The following CCDC85A variants were observed in gnomAD, a reference collection of about 807,000 sequenced individuals.
CCDC85A encodes coiled-coil domain-containing protein 85A.
In CCDC85A, 38 loss-of-function variants were observed where a neutral mutation model predicts 50.2. The ratio of observed to expected loss-of-function variants is 0.76; its 90% CI spans 0.58 to 0.99. CCDC85A has a LOEUF of 0.99. Among genes scored for constraint, CCDC85A ranks in the 50% least tolerant of loss-of-function variants. The pLI, the probability that CCDC85A is intolerant of heterozygous loss-of-function variation, is 0.00. For missense variants in CCDC85A, 820 were observed against 742.0 expected (o/e 1.11, Z -1.22); for synonymous variants, 366 against 301.4 (o/e 1.21, Z -2.22).
intron 2 of CCDC85A, among the ~76,000 whole-genome samples, chr2:56,197,148 A>T (rs1465523631): frequency 6.6e-6 from 1 of 152,198 alleles, no homozygotes; most frequent in African/African-American, 2.4e-5. Context: ...TTGTGAGGGT[A>T]TCTCTCGAGA....
intron 3 of CCDC85A, among the ~76,000 whole-genome samples, chr2:56,363,803 G>C (rs1675655408): frequency 6.6e-6 from 1 of 152,182 alleles, no homozygotes; most frequent in African/African-American, 2.4e-5. Context: ...CAGATGCAAT[G>C]TTAATTAGCA....
chr2:56,341,818 C>G (rs931973971), intron 2 of CCDC85A, among the ~76,000 whole-genome samples: 1 of 152,224 alleles, frequency 6.6e-6, no homozygotes, highest in African/African-American at 2.4e-5. Flanking sequence ...GTCTCTGTCA[C>G]AGTCAGCCAA....
chr2:56,266,089 A>G (rs913419784), intron 2 of CCDC85A, among the ~76,000 whole-genome samples: 13 of 152,208 alleles, frequency 8.5e-5, no homozygotes, highest in African/African-American at 3.1e-4. Context: ...GAAAAAGTAG[A>G]TATCATAGAC....
At chr2:56,196,888 A>G (rs1475997369) in intron 2 of CCDC85A, among the ~76,000 whole-genome samples, 1 of 148,806 alleles carries the variant, frequency 6.7e-6, no homozygotes, top group Non-Finnish European at 1.5e-5. Flanking sequence ...CGTCTTCAAA[A>G]AAAAAAAAAA....
intron 2 of CCDC85A, among the ~76,000 whole-genome samples, chr2:56,323,776 C>T (rs1433301739): frequency 6.6e-6 from 1 of 152,042 alleles, no homozygotes; most frequent in Non-Finnish European, 1.5e-5. Context: ...ATTCATTTTT[C>T]ACCATATGTA....
At chr2:56,337,909 C>T (rs188526028) in intron 2 of CCDC85A, among the ~76,000 whole-genome samples, 3 of 151,842 alleles carry the variant, frequency 2.0e-5, no homozygotes, top group East Asian at 1.9e-4. Flanking sequence ...CTCAGCCTCC[C>T]GAGTAGCTGG....
chr2:56,350,625 T>C (rs911433916), intron 3 of CCDC85A, among the ~76,000 whole-genome samples: 1 of 152,152 alleles, frequency 6.6e-6, no homozygotes, highest in African/African-American at 2.4e-5. Context: ...GTAAAGATGC[T>C]GTGATTTCCA....
intron 3 of CCDC85A, among the ~76,000 whole-genome samples, chr2:56,358,326 C>G (rs924956826): frequency 1.4e-4 from 21 of 152,190 alleles, no homozygotes; most frequent in Admixed American, 1.3e-4. Flanking sequence ...CCTTTTAGAA[C>G]TCTTAAGAAA....
intron 2 of CCDC85A, among the ~76,000 whole-genome samples, chr2:56,320,527 C>G (rs1436337397): frequency 1.3e-5 from 2 of 152,140 alleles, no homozygotes; most frequent in Non-Finnish European, 2.9e-5. Flanking sequence ...CACAAATAAA[C>G]TAGGAAATCT....
intron 2 of CCDC85A, among the ~76,000 whole-genome samples, chr2:56,241,819 A>G (rs769924284): frequency 9.2e-5 from 14 of 152,096 alleles, no homozygotes; most frequent in South Asian, 2.1e-4. Context: ...TGATATACTG[A>G]TTTCCTTTTT....
At chr2:56,251,834 C>A (rs1003313574) in intron 2 of CCDC85A, among the ~76,000 whole-genome samples, 1 of 152,064 alleles carries the variant, frequency 6.6e-6, no homozygotes, top group African/African-American at 2.4e-5. Context: ...GAAAAGAACC[C>A]TGAACAAGTG....
chr2:56,361,376 T>C (rs991325430), intron 3 of CCDC85A, among the ~76,000 whole-genome samples: 2 of 152,246 alleles, frequency 1.3e-5, no homozygotes, highest in Admixed American at 1.3e-4. Flanking sequence ...TATGTACAGA[T>C]ACTGTTTGAG....
chr2:56,264,502 T>G (rs1372871011), intron 2 of CCDC85A, among the ~76,000 whole-genome samples: 1 of 152,130 alleles, frequency 6.6e-6, no homozygotes, highest in Non-Finnish European at 1.5e-5. Flanking sequence ...TCAAAACATA[T>G]CCAGAATCCA....
At chr2:56,235,954 T>C (rs1439900151) in intron 2 of CCDC85A, among the ~76,000 whole-genome samples, 9 of 152,076 alleles carry the variant, frequency 5.9e-5, no homozygotes, top group Admixed American at 3.9e-4. Context: ...GGGGGTACAT[T>C]CCTGCTGGAG....
intron 2 of CCDC85A, among the ~76,000 whole-genome samples, chr2:56,295,547 C>A (rs1671910859): frequency 6.6e-6 from 1 of 152,198 alleles, no homozygotes; most frequent in Admixed American, 6.5e-5. Flanking sequence ...GAGTTCACCA[C>A]CAGGGCCCTC....
chr2:56,242,335 G>T (rs185905188), intron 2 of CCDC85A, among the ~76,000 whole-genome samples: 7 of 152,218 alleles, frequency 4.6e-5, no homozygotes, highest in Admixed American at 4.6e-4. Context: ...GGTTCTGCAG[G>T]CTTTACAGGA....
intron 2 of CCDC85A, among the ~76,000 whole-genome samples, chr2:56,324,548 AATT>A (rs573429738): frequency 4.7e-4 from 72 of 152,212 alleles, no homozygotes; most frequent in Non-Finnish European, 9.3e-4. Flanking sequence ...AACATCATTT[AATT>A]ATTATTATTT....
intron 2 of CCDC85A, among the ~76,000 whole-genome samples, chr2:56,262,859 C>G (rs1216128902): frequency 1.3e-5 from 2 of 152,142 alleles, no homozygotes; most frequent in Non-Finnish European, 2.9e-5. Flanking sequence ...TATATGTAAC[C>G]AGGGCATTTG....
At chr2:56,244,260 A>C (rs1669401570) in intron 2 of CCDC85A, among the ~76,000 whole-genome samples, 1 of 152,036 alleles carries the variant, frequency 6.6e-6, no homozygotes, top group African/African-American at 2.4e-5. Flanking sequence ...TCTGCAGCTA[A>C]ACTGGCCCTG....
Sources: allele counts gnomAD v4.1 joint callset (sites outside exome capture counted in the v4.1 genomes callset), GRCh38; gene constraint gnomAD v4.1.1; transcripts MANE v1.5; gene names NCBI Gene and HGNC (gene_info 2026-07-23, HGNC 2026-07-21).